MIA3: variants seen among roughly 807,000 people sequenced by gnomAD.
MIA3 encodes the protein MIA SH3 domain ER export factor 3.
MIA3 carries 90 observed loss-of-function variants against 192.4 expected under a neutral mutation model. The observed-to-expected ratio is 0.47, with a 90% CI of 0.39 to 0.56. The LOEUF is 0.56. Ranked by LOEUF, MIA3 falls within the 20% of genes least tolerant of loss-of-function variation. The pLI is 0.00. For missense variants in MIA3, 2,123 were observed against 2,269.4 expected (o/e 0.94, Z 1.31); for synonymous variants, 740 against 792.8 (o/e 0.93, Z 1.12).
chr1:222,661,589 C>A (rs77552512), intron 24 of MIA3: 3,117 of 157,368 alleles, frequency 0.02, 101 homozygotes, highest in African/African-American at 0.071. Flanking sequence ...GGGATCAGCA[C>A]ACCTAACCCC....
At chr1:222,659,277 T>G (rs1233346814) in intron 19 of MIA3, 176 bp from the exon 20 acceptor site, 2 of 590,856 alleles carry the variant, frequency 3.4e-6, no homozygotes, top group South Asian at 2.3e-5. Context: ...GGAAATTATG[T>G]ATCATTAGTT....
intron 7 of MIA3, 53 bp downstream of exon 7, chr1:222,645,738 TCA>T: frequency 6.7e-7 from 1 of 1,502,852 alleles, no homozygotes; most frequent in Non-Finnish European, 9.1e-7. Context: ...GGTTTTATAA[TCA>T]CAGTCCTTTT....
intron 15 of MIA3, 56 bp downstream of exon 15, chr1:222,653,395 C>T (rs1206770746): frequency 9.1e-7 from 1 of 1,096,744 alleles, no homozygotes; most frequent in Non-Finnish European, 1.4e-6. Context: ...TTTAAGTGCA[C>T]CAGTGCTACT....
chr1:222,621,813 G>T (rs3008612), intron 2 of MIA3, among the ~76,000 whole-genome samples: 15,167 of 140,024 alleles, frequency 0.11, 1,045 homozygotes, highest in Non-Finnish European at 0.14. Context: ...TTGTTTGTTT[G>T]TTTTTTTTTT....
chr1:222,641,623 A>G (rs1571882445), intron 6 of MIA3: 1 of 530,342 alleles, frequency 1.9e-6, no homozygotes, highest in East Asian at 5.2e-5. Flanking sequence ...ATCAATGAGC[A>G]CATGTTCCAC....
intron 3 of MIA3, among the ~76,000 whole-genome samples, chr1:222,626,062 C>G (rs182994584): frequency 6.6e-6 from 1 of 152,172 alleles, no homozygotes; most frequent in Non-Finnish European, 1.5e-5. Flanking sequence ...CCCAGCCCCC[C>G]ATCTGATTGT....
chr1:222,620,805 A>G (rs1258117612), intron 1 of MIA3, among the ~76,000 whole-genome samples: 2 of 152,136 alleles, frequency 1.3e-5, no homozygotes, highest in African/African-American at 4.8e-5. Flanking sequence ...TTTTATGAAT[A>G]TGAAACAGAA....
At chr1:222,657,780 G>C (rs1478072308) in intron 18 of MIA3, among the ~76,000 whole-genome samples, 1 of 152,136 alleles carries the variant, frequency 6.6e-6, no homozygotes, top group African/African-American at 2.4e-5. Context: ...TCTCTTACAA[G>C]GTAATTAGTA....
intron 2 of MIA3, among the ~76,000 whole-genome samples, chr1:222,622,031 C>T (rs376497603): frequency 1.3e-5 from 2 of 152,118 alleles, no homozygotes; most frequent in African/African-American, 2.4e-5. Flanking sequence ...GTCTCGATCT[C>T]CTGACCTTGT....
chr1:222,648,776 C>A, intron 7 of MIA3, 53 bp from the exon 8 acceptor site: 1 of 987,452 alleles, frequency 1.0e-6, no homozygotes, highest in Non-Finnish European at 1.6e-6. Context: ...AAACTATATA[C>A]ATCTATTAAT....
At chr1:222,621,381 C>T in intron 2 of MIA3, 89 bp downstream of exon 2, 3 of 1,305,864 alleles carry the variant, frequency 2.3e-6, no homozygotes, top group Non-Finnish European at 3.2e-6. Context: ...TTCTTGGGAC[C>T]TTTGATGGAG....
intron 27 of MIA3, 112 bp from the exon 28 acceptor site, chr1:222,665,197 C>CG: frequency 2.6e-6 from 1 of 378,494 alleles, no homozygotes; most frequent in Admixed American, 4.9e-5. Flanking sequence ...ACCCTGCCGC[C>CG]AAAAAAAAAA....
intron 24 of MIA3, among the ~76,000 whole-genome samples, chr1:222,661,848 G>A (rs1370882252): frequency 1.3e-5 from 2 of 152,158 alleles, no homozygotes; most frequent in African/African-American, 2.4e-5. Flanking sequence ...AGCCATTAAT[G>A]TGCAGGGTTT....
rs200637690 is a variant in MIA3, at chr1:222,621,201, C to T, written c.176C>T (p.Pro59Leu). The change falls in exon 2 of 28, where the codon CCG (proline) becomes CTG (leucine). Residue 59 changes from proline (P) to leucine (L), a missense_variant. Transcript: ENST00000344922. ...RGEALEDFTGPDCRFVNFKKG... is the reference protein window; with the variant it reads ...RGEALEDFTGLDCRFVNFKKG... ...GAGGCTCTTGAAGATTTCACAGGCCCGGATTGTCGTTTTGTGAATTTTAAA... is the reference window on the plus strand; with the variant it reads ...GAGGCTCTTGAAGATTTCACAGGCCTGGATTGTCGTTTTGTGAATTTTAAA... 2.8e-4 allele frequency: 452 copies of T among 1,613,400 alleles called. No homozygotes were observed. Among genetic ancestry groups the T allele is most frequent in the Non-Finnish European group, 3.8e-4 (444 of 1,179,702 alleles).
chr1:222,664,829 C>T, intron 27 of MIA3: 1 of 327,282 alleles, frequency 3.1e-6, no homozygotes. Context: ...TTTAGTCTGT[C>T]TTCTTGGTAT....
chr1:222,664,016 G>C lies in MIA3; in HGVS notation c.5281G>C (p.Gly1761Arg). The change falls in exon 27 of 28, where the codon GGG becomes CGG. Residue 1761 changes from glycine (G) to arginine (R), a missense_variant. Around this residue, in one of 3 missense-constraint regions of MIA3, gnomAD observed 762 missense variants for 856.4 expected, o/e 0.89. Coordinates refer to ENST00000344922, the MANE Select transcript of MIA3 (RefSeq NM_198551.4). ...DEGKVNMAPK[G>R]PPPFPGVPLM... ...TCTGCAGGTTAATATGGCTCCAAAA[G>C]GGCCCCCTCCTTTCCCAGGAGTCCC... 6.2e-7 allele frequency: 1 copy of C among 1,613,410 alleles called. No homozygotes were observed.
chr1:222,625,166 C>T (rs996473481), intron 3 of MIA3, among the ~76,000 whole-genome samples: 2 of 152,002 alleles, frequency 1.3e-5, no homozygotes, highest in Non-Finnish European at 2.9e-5. Context: ...CCCACCACCA[C>T]GCCTGGCTAA....
chr1:222,636,416 C>T (rs1662625079), intron 6 of MIA3, among the ~76,000 whole-genome samples: 1 of 151,982 alleles, frequency 6.6e-6, no homozygotes, highest in Non-Finnish European at 1.5e-5. Flanking sequence ...GGAATCTTAC[C>T]CTACACAGGA....
chr1:222,660,375 G>A, intron 24 of MIA3, 61 bp downstream of exon 24: 1 of 1,527,558 alleles, frequency 6.5e-7, no homozygotes. Context: ...TTTTATTTGA[G>A]AATTCTAATG....
Sources: allele counts gnomAD v4.1 joint callset (sites outside exome capture counted in the v4.1 genomes callset), GRCh38; gene constraint gnomAD v4.1.1; regional missense constraint gnomAD v4.1.1; transcripts MANE v1.5; gene names NCBI Gene and HGNC (gene_info 2026-07-23, HGNC 2026-07-21).